CPPED1: variants seen among roughly 807,000 people sequenced by gnomAD.
The protein encoded by CPPED1 is calcineurin like phosphoesterase domain containing 1.
Under a neutral mutation model 28.0 loss-of-function variants are expected in CPPED1, and 28 were observed. The ratio of observed to expected loss-of-function variants is 1.00; its 90% CI spans 0.74 to 1.37. The LOEUF is 1.37. Among genes scored for constraint, CPPED1 ranks in the 40% most tolerant of loss-of-function variants. CPPED1 has a pLI of 0.00. For synonymous variants in CPPED1, 198 were observed against 180.2 expected, an observed-to-expected ratio of 1.10 and a Z score of -0.79; for missense variants, 504 against 416.5, an observed-to-expected ratio of 1.21 and a Z score of -1.83.
chr16:12,702,714 C>G (rs1179704184), intron 3 of CPPED1, among the ~76,000 whole-genome samples: 2 of 152,034 alleles, frequency 1.3e-5, no homozygotes, highest in Non-Finnish European at 2.9e-5. Flanking sequence ...AACATTAGAT[C>G]TGGCCAGCTG....
intron 2 of CPPED1, among the ~76,000 whole-genome samples, chr16:12,768,149 A>C (rs1771241439): frequency 6.6e-6 from 1 of 152,282 alleles, no homozygotes; most frequent in African/African-American, 2.4e-5. Context: ...TCTATCAACC[A>C]AAAGGACTCT....
intron 2 of CPPED1, among the ~76,000 whole-genome samples, chr16:12,751,602 G>A (rs1463564937): frequency 3.9e-5 from 6 of 152,160 alleles, no homozygotes; most frequent in African/African-American, 9.7e-5. Context: ...AGGAAGTCCC[G>A]GGTCCCAGGA....
At chr16:12,666,038 C>T (rs1322077775) in intron 3 of CPPED1, among the ~76,000 whole-genome samples, 1 of 152,174 alleles carries the variant, frequency 6.6e-6, no homozygotes, top group Non-Finnish European at 1.5e-5. Context: ...ATCGCTTGAA[C>T]CCAAGAGGCA....
At chr16:12,739,007 G>A (rs1053673596) in intron 2 of CPPED1, among the ~76,000 whole-genome samples, 2 of 152,150 alleles carry the variant, frequency 1.3e-5, no homozygotes, top group Admixed American at 1.3e-4. Flanking sequence ...CACGGTGAAG[G>A]GTGAGTGGGT....
At position 12,803,850 on chromosome 16, in the gene CPPED1, C is replaced by T; in HGVS notation, c.-74G>A. 1.4e-6 allele frequency: 2 copies of T among 1,410,904 alleles called. No homozygotes were observed. Among genetic ancestry groups the T allele is most frequent in the Non-Finnish European group, 1.9e-6 (2 of 1,039,264 alleles). 87.4% of individuals were successfully genotyped at this position (1,410,904 alleles called of 1,614,324 possible). ...CGCGCGACTTCACACAGAACAACCGCTGGACCTGTCCCGCTTTGGGCGACG... is the reference window on the plus strand; with the variant it reads ...CGCGCGACTTCACACAGAACAACCGTTGGACCTGTCCCGCTTTGGGCGACG... On this transcript the variant is annotated 5_prime_UTR_variant, in exon 1 of 4. Transcript: ENST00000381774.
chr16:12,678,948 GTTGGTTATAAA>G (rs1413904253), intron 3 of CPPED1, among the ~76,000 whole-genome samples: 1 of 151,992 alleles, frequency 6.6e-6, no homozygotes, highest in Non-Finnish European at 1.5e-5. Flanking sequence ...TCTTTTTCTT[GTTGGTTATAAA>G]TTTAGTTTTC....
intron 3 of CPPED1, among the ~76,000 whole-genome samples, chr16:12,681,184 A>T (rs2079903144): frequency 6.7e-6 from 1 of 149,102 alleles, no homozygotes; most frequent in African/African-American, 2.5e-5. Flanking sequence ...CCAACGTTTA[A>T]GTGTTATAAA....
At chr16:12,693,551 T>A (rs941099177) in intron 3 of CPPED1, among the ~76,000 whole-genome samples, 1 of 152,154 alleles carries the variant, frequency 6.6e-6, no homozygotes, top group African/African-American at 2.4e-5. Flanking sequence ...CATTTTTAAG[T>A]AAAATTTAAA....
intron 2 of CPPED1, among the ~76,000 whole-genome samples, chr16:12,773,483 G>C (rs945526349): frequency 6.6e-6 from 1 of 152,182 alleles, no homozygotes. Flanking sequence ...AACACTTTGG[G>C]AGGACGAGGC....
In CPPED1 at chr16:12,776,556, G is replaced by A. The variant is rs766139695; in HGVS notation, c.289+4629C>T. On this transcript the variant is annotated intron_variant, in intron 2 of 3. Coordinates refer to ENST00000381774, the MANE Select transcript of CPPED1 (RefSeq NM_018340.3). ...TGTCGTGACTGTGAATAAGTCTCAC[G>A]AGATCTGATGGTTTTGTAAAGAGGA... 4.6e-5 allele frequency among the ~76,000 whole-genome samples: 7 copies of A among 152,096 alleles called. No homozygotes were observed. The South Asian group carries it at 8.3e-4, about 18-fold the overall frequency.
chr16:12,688,092 C>T (rs1000391566), intron 3 of CPPED1, among the ~76,000 whole-genome samples: 6 of 150,302 alleles, frequency 4.0e-5, no homozygotes, highest in African/African-American at 7.4e-5. Context: ...TGCAGTGGTG[C>T]GATCATGGTT....
chr16:12,717,716 C>T (rs931318177), intron 2 of CPPED1, among the ~76,000 whole-genome samples: 4 of 152,092 alleles, frequency 2.6e-5, no homozygotes, highest in Non-Finnish European at 5.9e-5. Context: ...ATCTTGGCTC[C>T]CTACAACCTC....
At chr16:12,691,799 C>A (rs1380788998) in intron 3 of CPPED1, among the ~76,000 whole-genome samples, 1 of 88,014 alleles carries the variant, frequency 1.1e-5, no homozygotes, top group African/African-American at 6.1e-5. Flanking sequence ...ACATCACACG[C>A]TGGGGACTGT....
At chr16:12,787,843 G>A (rs1366651271) in intron 1 of CPPED1, among the ~76,000 whole-genome samples, 1 of 152,138 alleles carries the variant, frequency 6.6e-6, no homozygotes, top group African/African-American at 2.4e-5. Context: ...AGCCTCTGTG[G>A]GAGTCTGGCA....
At chr16:12,719,972 G>C (rs1222124562) in intron 2 of CPPED1, among the ~76,000 whole-genome samples, 3 of 151,908 alleles carry the variant, frequency 2.0e-5, no homozygotes, top group Admixed American at 6.6e-5. Flanking sequence ...ATATAAATAC[G>C]TGTACGTTAA....
intron 3 of CPPED1, among the ~76,000 whole-genome samples, chr16:12,698,057 T>A (rs2080001134): frequency 1.3e-5 from 2 of 151,816 alleles, no homozygotes; most frequent in African/African-American, 4.8e-5. Flanking sequence ...TTGCAGTGAG[T>A]CAAGATGGCA....
At chr16:12,732,184 A>G (rs2080201520) in intron 2 of CPPED1, among the ~76,000 whole-genome samples, 1 of 151,994 alleles carries the variant, frequency 6.6e-6, no homozygotes, top group Non-Finnish European at 1.5e-5. Context: ...GACAGAGAAG[A>G]TACTGCATTA....
chr16:12,786,500 G>C (rs896723153), intron 1 of CPPED1, among the ~76,000 whole-genome samples: 1 of 152,080 alleles, frequency 6.6e-6, no homozygotes, highest in Non-Finnish European at 1.5e-5. Context: ...GTCATTGTTA[G>C]GTCTCTGCCT....
At chr16:12,705,075 A>G in intron 2 of CPPED1, 26 bp from the exon 3 acceptor site, 1 of 1,581,256 alleles carries the variant, frequency 6.3e-7, no homozygotes. Flanking sequence ...TCACGTCCTG[A>G]GAAAGCCAGG....
Sources: gnomAD v4.1 joint callset for allele counts (sites outside exome capture counted in the v4.1 genomes callset) on GRCh38, gnomAD v4.1.1 for gene constraint, MANE v1.5 for transcripts, NCBI Gene and HGNC (gene_info 2026-07-23, HGNC 2026-07-21) for gene names.